Variants in CALCRL observed in about 807,000 individuals in gnomAD.
CALCRL encodes calcitonin gene-related peptide type 1 receptor.
In CALCRL, 27 loss-of-function variants were observed where a neutral mutation model predicts 60.4. That is an observed-to-expected ratio of 0.45 (90% CI 0.33 to 0.62). The LOEUF (loss-of-function observed/expected upper bound fraction) is 0.62. Ranked by LOEUF, CALCRL falls within the 20% of genes least tolerant of loss-of-function variation. The pLI is 0.03. For missense variants in CALCRL, 424 were observed against 540.7 expected, an observed-to-expected ratio of 0.78 and a Z score of 2.14; for synonymous variants, 190 against 182.6, an observed-to-expected ratio of 1.04 and a Z score of -0.33.
At chr2:187,391,359 C>T (rs1395468552) in intron 1 of CALCRL, among the ~76,000 whole-genome samples, 1 of 152,110 alleles carries the variant, frequency 6.6e-6, no homozygotes, top group Non-Finnish European at 1.5e-5. Flanking sequence ...GATAATTGAA[C>T]TGCATGTTAC....
At chr2:187,378,916 T>C in intron 8 of CALCRL, 24 bp downstream of exon 8, 1 of 1,431,730 alleles carries the variant, frequency 7.0e-7, no homozygotes. Flanking sequence ...AGTAATTTTC[T>C]TAAAATATTT....
chr2:187,414,458 A>T (rs1689506750), intron 1 of CALCRL, among the ~76,000 whole-genome samples: 1 of 152,192 alleles, frequency 6.6e-6, no homozygotes, highest in Non-Finnish European at 1.5e-5. Flanking sequence ...GCAGCATGTC[A>T]TCCTGAATTT....
At chr2:187,354,362 T>C (rs1444758328) in intron 12 of CALCRL, among the ~76,000 whole-genome samples, 2 of 151,924 alleles carry the variant, frequency 1.3e-5, no homozygotes, top group Admixed American at 6.6e-5. Context: ...CACCTAAATA[T>C]CTGTCACTGA....
intron 1 of CALCRL, among the ~76,000 whole-genome samples, chr2:187,403,277 A>G (rs771727468): frequency 1.3e-5 from 2 of 151,872 alleles, no homozygotes; most frequent in Admixed American, 6.6e-5. Context: ...AAATTCAATC[A>G]TGGGTATCTG....
At position 187,362,333 on chromosome 2, in the gene CALCRL, T is replaced by A. The variant is rs192017827; in HGVS notation, c.627+1043A>T. ...TGGCAGGACATTAGCCAGATTTTTATGTTGCTAATTATACCCCAGTGTGTT... is the reference window on the plus strand; with the variant it reads ...TGGCAGGACATTAGCCAGATTTTTAAGTTGCTAATTATACCCCAGTGTGTT... On this transcript the variant is annotated intron_variant, in intron 9 of 14. Coordinates refer to ENST00000392370, the MANE Select transcript of CALCRL (RefSeq NM_005795.6). Among the ~76,000 whole-genome samples, 850 of 152,234 alleles carry A rather than the reference T, an allele frequency of 5.6e-3. 1 individual carries two copies. Among genetic ancestry groups the A allele is most frequent in the Non-Finnish European group, 9.6e-3 (654 of 67,946 alleles).
At chr2:187,447,020 C>G (rs60197389) in intron 1 of CALCRL, among the ~76,000 whole-genome samples, 2 of 151,748 alleles carry the variant, frequency 1.3e-5, no homozygotes, top group Non-Finnish European at 2.9e-5. Context: ...ATCAAACTTT[C>G]TCCAGCAACA....
chr2:187,352,868 A>G (rs1013772364), intron 12 of CALCRL, among the ~76,000 whole-genome samples: 3 of 151,894 alleles, frequency 2.0e-5, no homozygotes, highest in Non-Finnish European at 4.4e-5. Flanking sequence ...TATCACTGTA[A>G]TCCTCTTTTA....
chr2:187,431,500 C>G (rs1050015378), intron 1 of CALCRL: 3 of 154,584 alleles, frequency 1.9e-5, no homozygotes, highest in Middle Eastern at 5.2e-4. Flanking sequence ...TCAAATGATA[C>G]TTTTCAATGG....
intron 1 of CALCRL, among the ~76,000 whole-genome samples, chr2:187,434,222 T>C (rs1690533178): frequency 6.6e-6 from 1 of 152,100 alleles, no homozygotes; most frequent in Non-Finnish European, 1.5e-5. Flanking sequence ...CAATAAAACA[T>C]ATTTTTGCTT....
chr2:187,381,811 G>T (rs1456920734), intron 5 of CALCRL, among the ~76,000 whole-genome samples: 1 of 152,066 alleles, frequency 6.6e-6, no homozygotes, highest in Non-Finnish European at 1.5e-5. Context: ...TGCATGAGAT[G>T]TTTATTGTTT....
intron 12 of CALCRL, among the ~76,000 whole-genome samples, chr2:187,357,652 G>A (rs1187243640): frequency 2.2e-4 from 29 of 131,984 alleles, no homozygotes; most frequent in Admixed American, 1.4e-3. Context: ...TTGTGGGGTC[G>A]GGGGAGGGGG....
rs186958976 is a variant in CALCRL, at chr2:187,343,700, A to G, written c.*2484T>C. 4 of 151,660 alleles carry G rather than the reference A, an allele frequency of 2.6e-5. No homozygotes were observed. Among genetic ancestry groups the G allele is most frequent in the East Asian group, 3.9e-4 (2 of 5,186 alleles). The allele number at this position is 151,660 out of a possible 1,614,324, so 9.4% of individuals were successfully genotyped here. ...ATTTTAAAAGCTAGAAATTTCCCCAAATTTATTTTTTTGACAGCAAAGAAG... is the reference window on the plus strand; with the variant it reads ...ATTTTAAAAGCTAGAAATTTCCCCAGATTTATTTTTTTGACAGCAAAGAAG... On this transcript the variant is annotated 3_prime_UTR_variant, in exon 15 of 15. Transcript: ENST00000392370.
chr2:187,383,471 A>G (rs1239740202), intron 4 of CALCRL, among the ~76,000 whole-genome samples, 166 bp from the exon 5 acceptor site: 3 of 152,146 alleles, frequency 2.0e-5, no homozygotes, highest in South Asian at 2.1e-4. Flanking sequence ...TGCTATTTCC[A>G]TGGTATAAAT....
intron 14 of CALCRL, among the ~76,000 whole-genome samples, chr2:187,350,808 C>T (rs1050213245): frequency 2.6e-5 from 4 of 151,680 alleles, no homozygotes; most frequent in African/African-American, 9.7e-5. Flanking sequence ...CCATCTGAAG[C>T]TTTATGATAA....
intron 1 of CALCRL, among the ~76,000 whole-genome samples, chr2:187,419,274 G>C (rs1470955147): frequency 6.6e-6 from 1 of 152,018 alleles, no homozygotes; most frequent in Non-Finnish European, 1.5e-5. Flanking sequence ...AGTGATTACG[G>C]TTAATGAAGT....
At chr2:187,415,974 A>AC (rs1261125767) in intron 1 of CALCRL, among the ~76,000 whole-genome samples, 1 of 151,778 alleles carries the variant, frequency 6.6e-6, no homozygotes, top group Non-Finnish European at 1.5e-5. Flanking sequence ...TTCCATGCAG[A>AC]CCCCCTGAAG....
chr2:187,404,440 C>A (rs1286350346), intron 1 of CALCRL, among the ~76,000 whole-genome samples: 1 of 151,126 alleles, frequency 6.6e-6, no homozygotes, highest in Non-Finnish European at 1.5e-5. Context: ...TATAAAAGTT[C>A]AAATCATCTA....
At chr2:187,391,468 C>T (rs1272597438) in intron 1 of CALCRL, among the ~76,000 whole-genome samples, 1 of 152,050 alleles carries the variant, frequency 6.6e-6, no homozygotes, top group Non-Finnish European at 1.5e-5. Context: ...GAGAATTTTT[C>T]CATATGTTCC....
intron 8 of CALCRL, among the ~76,000 whole-genome samples, chr2:187,377,509 GA>G (rs958093011): frequency 1.3e-5 from 2 of 152,050 alleles, no homozygotes; most frequent in Non-Finnish European, 2.9e-5. Flanking sequence ...TAGATAATAT[GA>G]ATTTGTTTTG....
Sources: gnomAD v4.1 joint callset for allele counts (sites outside exome capture counted in the v4.1 genomes callset) on GRCh38, gnomAD v4.1.1 for gene constraint, MANE v1.5 for transcripts, NCBI Gene and HGNC (gene_info 2026-07-23, HGNC 2026-07-21) for gene names.